SLC6A6: variants seen among roughly 807,000 people sequenced by gnomAD.
SLC6A6 encodes the protein sodium- and chloride-dependent taurine transporter.
SLC6A6 carries 16 observed loss-of-function variants against 68.8 expected under a neutral mutation model. The observed-to-expected ratio is 0.23, with a 90% confidence interval of 0.16 to 0.35. The LOEUF (loss-of-function observed/expected upper bound fraction) is 0.35. Ranked by LOEUF, SLC6A6 falls within the 10% of genes least tolerant of loss-of-function variation. The pLI, the probability that SLC6A6 is intolerant of heterozygous loss-of-function variation, is 1.00. For synonymous variants in SLC6A6, 312 were observed against 315.4 expected, an observed-to-expected ratio of 0.99 and a Z score of 0.12; for missense variants, 474 against 802.8, an observed-to-expected ratio of 0.59 and a Z score of 4.95.
chr3:14,465,241 A>C (rs1277308576), intron 6 of SLC6A6, among the ~76,000 whole-genome samples: 1 of 152,252 alleles, frequency 6.6e-6, no homozygotes, highest in Non-Finnish European at 1.5e-5. Context: ...AGCCACAAAC[A>C]GCGCTTGCAG....
intron 6 of SLC6A6, among the ~76,000 whole-genome samples, chr3:14,464,996 G>A (rs1201743967): frequency 6.6e-6 from 1 of 152,230 alleles, no homozygotes; most frequent in Admixed American, 6.5e-5. Flanking sequence ...CCCTGGGCAC[G>A]TCCTTAAAGC....
At chr3:14,467,628 C>G (rs962682775) in intron 7 of SLC6A6, among the ~76,000 whole-genome samples, 1 of 152,152 alleles carries the variant, frequency 6.6e-6, no homozygotes, top group Non-Finnish European at 1.5e-5. Flanking sequence ...TCCTCTTAAC[C>G]CTGATGCTAG....
chr3:14,408,675 G>C (rs1016858203), intron 1 of SLC6A6, among the ~76,000 whole-genome samples: 3 of 152,126 alleles, frequency 2.0e-5, no homozygotes, highest in African/African-American at 7.2e-5. Flanking sequence ...ACTTTATCCA[G>C]GTGTGCATAT....
intron 2 of SLC6A6, among the ~76,000 whole-genome samples, chr3:14,440,423 T>G (rs1436863221): frequency 6.6e-6 from 1 of 151,858 alleles, no homozygotes; most frequent in African/African-American, 2.4e-5. Flanking sequence ...AGCAGTTCTG[T>G]GTGGCCCGTG....
chr3:14,429,531 G>C (rs748099), intron 2 of SLC6A6, among the ~76,000 whole-genome samples: 51,590 of 152,156 alleles, frequency 0.34, 10,023 homozygotes, highest in African/African-American at 0.54. Context: ...GCACTGTCAT[G>C]AGCCAGCCTT....
intron 5 of SLC6A6, among the ~76,000 whole-genome samples, chr3:14,456,070 C>T (rs1700360381): frequency 6.6e-6 from 1 of 152,220 alleles, no homozygotes; most frequent in Non-Finnish European, 1.5e-5. Flanking sequence ...CTCTGTGTCA[C>T]CTGCTGGCTC....
chr3:14,442,800 C>G (rs562944537), intron 2 of SLC6A6, among the ~76,000 whole-genome samples: 79 of 152,118 alleles, frequency 5.2e-4, no homozygotes, highest in Admixed American at 1.2e-3. Context: ...CAACAGGGAG[C>G]CGGAGGGCAA....
In SLC6A6 at chr3:14,429,057, G is replaced by A. The variant is rs190101028; in HGVS notation, c.-12+12604G>A. The stretch of plus-strand genomic sequence containing the variant: ...CTGCACCCCCCTACCCCCAGGAATC[G>A]GGGTTGGTCTCCAAGGCTTCTCCCC... On this transcript the variant is annotated intron_variant, in intron 2 of 14. Coordinates refer to ENST00000622186, the MANE Select transcript of SLC6A6 (RefSeq NM_003043.6). 1.6e-4 allele frequency among the ~76,000 whole-genome samples: 25 copies of A among 152,260 alleles called. No individual in the cohort carries two copies. In the East Asian group the frequency reaches 2.9e-3, roughly 18 times the overall value.
At chr3:14,409,983 C>T (rs887033529) in intron 1 of SLC6A6, among the ~76,000 whole-genome samples, 5 of 152,078 alleles carry the variant, frequency 3.3e-5, no homozygotes, top group Admixed American at 1.3e-4. Flanking sequence ...GTCAGGAGTT[C>T]GAGACCAGCC....
chr3:14,447,055 A>C (rs763097768), intron 4 of SLC6A6, among the ~76,000 whole-genome samples: 1 of 152,100 alleles, frequency 6.6e-6, no homozygotes, highest in Admixed American at 6.5e-5. Flanking sequence ...ACCTACCACC[A>C]TCCATACATC....
chr3:14,422,572 G>C (rs772683591), intron 2 of SLC6A6, among the ~76,000 whole-genome samples: 32 of 152,136 alleles, frequency 2.1e-4, no homozygotes, highest in Non-Finnish European at 3.7e-4. Context: ...CCCCAGCTTG[G>C]CCGCTTAGTG....
Position 14,467,823 on chromosome 3 carries a change from C to T in SLC6A6, c.868-30C>T, listed in dbSNP as rs201057511. The T allele has an allele frequency of 1.7e-3, 2,557 of 1,465,594 alleles. 2 individuals are homozygous for T. Among genetic ancestry groups the T allele is most frequent in the Non-Finnish European group, 2.2e-3 (2,343 of 1,058,420 alleles). The allele number at this position is 1,465,594 out of a possible 1,614,324, so 90.8% of individuals were successfully genotyped here. On this transcript the variant is annotated intron_variant, in intron 7 of 14. Transcript: ENST00000622186. The stretch of plus-strand genomic sequence containing the variant: ...AAGCCAGCTCTGACAGCCCTCCTCT[C>T]TTTCCTTGCCACCTCCCTCCCCCTC...
chr3:14,488,152 C>A lies in SLC6A6; in HGVS notation c.*3145C>A. 6.5e-6 allele frequency: 1 copy of A among 152,736 alleles called. No homozygotes were observed. Among genetic ancestry groups the A allele is most frequent in the Non-Finnish European group, 1.5e-5 (1 of 68,044 alleles). The allele number at this position is 152,736 out of a possible 1,614,324, so 9.5% of individuals were successfully genotyped here. A position where few individuals can be genotyped will look rare whatever the true frequency, so the allele number is the denominator to read the frequency against. On this transcript the variant is annotated 3_prime_UTR_variant, in exon 15 of 15. Transcript: ENST00000622186. ...AGAGAAGCCAGAGGTGTGCCAGATC[C>A]TTAGGCAGGATTTAGATGAAGTCGC... is the stretch of plus-strand genomic sequence containing the variant.
chr3:14,404,896 A>G (rs770399971), intron 1 of SLC6A6, among the ~76,000 whole-genome samples: 4 of 152,212 alleles, frequency 2.6e-5, no homozygotes, highest in Non-Finnish European at 4.4e-5. Flanking sequence ...CTCAGCTGCA[A>G]TCATCCTCCC....
At chr3:14,435,626 C>G (rs577253997) in intron 2 of SLC6A6, among the ~76,000 whole-genome samples, 14 of 152,336 alleles carry the variant, frequency 9.2e-5, no homozygotes, top group East Asian at 5.8e-4. Context: ...GCCTGGTCAG[C>G]ATCTCCGCAC....
intron 5 of SLC6A6, among the ~76,000 whole-genome samples, chr3:14,449,692 G>C (rs1401329327): frequency 6.6e-6 from 1 of 152,212 alleles, no homozygotes; most frequent in African/African-American, 2.4e-5. Flanking sequence ...GTTGTAGGAT[G>C]GCCCTGACTG....
chr3:14,478,477 T>C lies in SLC6A6; in HGVS notation c.1359T>C (p.Tyr453=). ...GLTMVTEGGM[Y]VFQLFDYYAA... ...TTTTTTCTTCACAGGGTGGCATGTA[T>C]GTGTTTCAGCTCTTTGACTACTATG... The change falls in exon 12 of 15, where the codon TAT becomes TAC. Residue 453 remains tyrosine (Y), a synonymous_variant. Coordinates refer to ENST00000622186, the MANE Select transcript of SLC6A6 (RefSeq NM_003043.6). 1 of 1,611,180 alleles carries C rather than the reference T, an allele frequency of 6.2e-7. No homozygotes were observed. Among genetic ancestry groups the C allele is most frequent in the Non-Finnish European group, 8.5e-7 (1 of 1,177,558 alleles).
chr3:14,413,816 A>G (rs1699305195), intron 1 of SLC6A6, among the ~76,000 whole-genome samples: 1 of 152,128 alleles, frequency 6.6e-6, no homozygotes, highest in Non-Finnish European at 1.5e-5. Flanking sequence ...TCTTTTTTAT[A>G]ATGGGAGGAG....
chr3:14,446,418 C>T (rs939051704), intron 4 of SLC6A6, among the ~76,000 whole-genome samples: 3 of 152,088 alleles, frequency 2.0e-5, no homozygotes, highest in Admixed American at 6.5e-5. Context: ...CCACAAGGGG[C>T]GGGGAGCAAG....
Sources: allele counts gnomAD v4.1 joint callset (sites outside exome capture counted in the v4.1 genomes callset), GRCh38; gene constraint gnomAD v4.1.1; transcripts MANE v1.5; gene names NCBI Gene and HGNC (gene_info 2026-07-23, HGNC 2026-07-21).